The following CDC42EP1 variants were observed in gnomAD, a reference collection of about 807,000 sequenced individuals.
CDC42EP1 encodes 55 kDa bone marrow stromal/endothelial cell protein.
CDC42EP1 carries 6 observed loss-of-function variants against 7.4 expected under a neutral mutation model. That is an observed-to-expected ratio of 0.81 (90% CI 0.44 to 1.60). The LOEUF (loss-of-function observed/expected upper bound fraction) is 1.60, where lower values mean the gene tolerates loss of function less well. CDC42EP1 is among the 40% of genes most tolerant of loss of function. The pLI is 0.01. For synonymous variants in CDC42EP1, 238 were observed against 227.1 expected (o/e 1.05, Z -0.43); for missense variants, 567 against 539.0 (o/e 1.05, Z -0.51).
In CDC42EP1 at chr22:37,566,299, T is replaced by G; in HGVS notation, c.-51T>G. 4.9e-4 allele frequency: 116 copies of G among 235,718 alleles called. No homozygotes were observed. The highest frequency in any genetic ancestry group is 6.6e-4 in the Non-Finnish European group (87 of 130,940). The allele number at this position is 235,718 out of a possible 1,614,324, so 14.6% of individuals were successfully genotyped here. On this transcript the variant is annotated 5_prime_UTR_variant, in exon 2 of 3. Coordinates refer to ENST00000249014, the MANE Select transcript of CDC42EP1 (RefSeq NM_152243.3). The surrounding 1 kb of genome is among the most constrained non-coding windows in gnomAD (Gnocchi z 6.4). ...CCATCCCAAGCCCAGCCCACCTCCC[T>G]CCCCCGGCCCCTGGTAGGCATGGAC... is the stretch of plus-strand genomic sequence containing the variant.
chr22:37,568,384 CCACTACT>C lies in CDC42EP1; in HGVS notation c.741_747del (p.Thr248GlnfsTer41). 6.9e-7 allele frequency: 1 copy of C among 1,457,736 alleles called. No individual in the cohort carries two copies. 90.3% of individuals were successfully genotyped at this position (1,457,736 alleles called of 1,614,324 possible). ...ACGGGTCCTGCTGCAAACCCCCCAG[CCACTACT>C]GCAAACCCCCCAGCGCCTGCTGCAA... On this transcript the variant is annotated frameshift_variant, in exon 3 of 3. Transcript: ENST00000249014. LOFTEE classifies it low-confidence loss of function (END_TRUNC).
In CDC42EP1 at chr22:37,566,873, T is replaced by C; in HGVS notation, c.463+61T>C. 7.7e-7 allele frequency: 1 copy of C among 1,295,124 alleles called. No homozygotes were observed. The highest frequency in any genetic ancestry group is 1.1e-6 in the Non-Finnish European group (1 of 941,818). 80.2% of individuals were successfully genotyped at this position (1,295,124 alleles called of 1,614,324 possible). A position where few individuals can be genotyped will look rare whatever the true frequency, so the allele number is the denominator to read the frequency against. ...GGCTGAGGCTGAGGCCCAGAGGGGT[T>C]CAGTGGCTCCTCCAAGCTCCAAGTG... is the stretch of plus-strand genomic sequence containing the variant. On this transcript the variant is annotated intron_variant, in intron 2 of 2. Coordinates refer to ENST00000249014, the MANE Select transcript of CDC42EP1 (RefSeq NM_152243.3). This position sits in a 1 kb window ranked among gnomAD's most constrained non-coding sequence, Gnocchi z 6.4.
At chr22:37,561,004 G>A (rs1292509098) in intron 1 of CDC42EP1, among the ~76,000 whole-genome samples, 2 of 152,000 alleles carry the variant, frequency 1.3e-5, no homozygotes, top group African/African-American at 4.8e-5. Context: ...TGGGGGGTGG[G>A]GGGCCCGGGG....
rs750109725 is a variant in CDC42EP1, at chr22:37,566,377, G to A, written c.28G>A (p.Ala10Thr). 1.6e-4 allele frequency: 249 copies of A among 1,549,696 alleles called. No individual in the cohort carries two copies. Among genetic ancestry groups the A allele is most frequent in the Non-Finnish European group, 2.0e-4 (231 of 1,145,084 alleles). The change falls in exon 2 of 3, where the codon GCC (alanine) becomes ACC (threonine). Residue 10 changes from alanine (A) to threonine (T), a missense_variant. Ala to Thr is a moderately conservative substitution (Grantham distance 58). Coordinates refer to ENST00000249014, the MANE Select transcript of CDC42EP1 (RefSeq NM_152243.3). This position sits in a 1 kb window ranked among gnomAD's most constrained non-coding sequence, Gnocchi z 6.4. Reference protein sequence around the residue: MPGPQGGRGAATMSLGKLSP... With the variant: MPGPQGGRGTATMSLGKLSP... ...GCCCGGCCCCCAGGGGGGCAGAGGC[G>A]CCGCCACCATGAGCCTGGGCAAGCT...
intron 1 of CDC42EP1, chr22:37,564,606 G>C (rs1925158268): frequency 6.6e-6 from 1 of 152,442 alleles, no homozygotes; most frequent in Admixed American, 6.5e-5. Flanking sequence ...CACAGAGAAG[G>C]GAGGTGACTT....
intron 1 of CDC42EP1, among the ~76,000 whole-genome samples, chr22:37,564,818 G>A (rs2281096): frequency 0.57 from 85,940 of 152,082 alleles, 24,862 homozygotes; most frequent in Non-Finnish European, 0.63. Context: ...TCGCTCTGTC[G>A]CACAGGCTGG....
At position 37,568,516 on chromosome 22, in the gene CDC42EP1, C is replaced by T. The variant is rs747055634; in HGVS notation, c.872C>T (p.Thr291Ile). The change falls in exon 3 of 3, where the codon ACA (threonine) becomes ATA (isoleucine). Residue 291 changes from threonine to isoleucine, a missense_variant. Thr to Ile is a moderately conservative substitution (Grantham distance 89). Transcript: ENST00000249014. ...CATGGACACTGTCCCAATGGGGTAACAGCTGGGTTGGGCCCAGTGGCTGAG... is the reference window on the plus strand; with the variant it reads ...CATGGACACTGTCCCAATGGGGTAATAGCTGGGTTGGGCCCAGTGGCTGAG... ...TPHGHCPNGV[T>I]AGLGPVAEVK... 57 of 1,609,720 alleles carry T rather than the reference C, an allele frequency of 3.5e-5. No individual in the cohort carries two copies. The highest frequency in any genetic ancestry group is 4.8e-5 in the Non-Finnish European group (56 of 1,178,136).
Position 37,568,655 on chromosome 22 carries a change from G to A in CDC42EP1, c.1011G>A (p.Arg337=), listed in dbSNP as rs1248564452. The A allele has an allele frequency of 1.3e-6, 2 of 1,564,936 alleles. No homozygotes were observed. The highest frequency in any genetic ancestry group is 2.4e-5 in the South Asian group (2 of 83,934). ...GGHHYPEMDA[R]QERVEVLPQA... Reference sequence around the variant, plus strand: ...ACCACTACCCAGAGATGGATGCGCGGCAGGAGCGGGTGGAGGTGCTGCCCC... The same window carrying A: ...ACCACTACCCAGAGATGGATGCGCGACAGGAGCGGGTGGAGGTGCTGCCCC... Residue 337 remains arginine (R), a synonymous_variant, in exon 3 of 3, where the codon CGG becomes CGA. Coordinates refer to ENST00000249014, the MANE Select transcript of CDC42EP1 (RefSeq NM_152243.3).
chr22:37,565,185 C>CTTTTTTTTTTTTT (rs67228684), intron 1 of CDC42EP1, among the ~76,000 whole-genome samples: 1 of 90,910 alleles, frequency 1.1e-5, no homozygotes, highest in Admixed American at 1.4e-4. Flanking sequence ...TTTTTTTTTC[C>CTTTTTTTTTTTTT]TTTTTTTTTT....
At chr22:37,564,941 G>A (rs1925174062) in intron 1 of CDC42EP1, among the ~76,000 whole-genome samples, 1 of 152,142 alleles carries the variant, frequency 6.6e-6, no homozygotes, top group Non-Finnish European at 1.5e-5. Context: ...ACTACGCCCA[G>A]CTAATTTTTT....
In CDC42EP1 at chr22:37,568,121, G is replaced by A; in HGVS notation, c.477G>A (p.Gly159=). 6.2e-7 allele frequency: 1 copy of A among 1,612,988 alleles called. No individual in the cohort carries two copies. Among genetic ancestry groups the A allele is most frequent in the Non-Finnish European group, 8.5e-7 (1 of 1,179,426 alleles). Residue 159 remains glycine (G), a synonymous_variant, in exon 3 of 3, where the codon GGG becomes GGA. Transcript: ENST00000249014. The part of the protein sequence containing the change: ...DGHSSYGLDS[G]FCTISRLPRS... ...TTTCTCTTCTAGGCCTGGACTCTGG[G>A]TTCTGCACCATCTCCCGCCTGCCCC...
chr22:37,563,496 C>T (rs1349272800), intron 1 of CDC42EP1, among the ~76,000 whole-genome samples: 1 of 151,764 alleles, frequency 6.6e-6, no homozygotes, highest in East Asian at 1.9e-4. Context: ...TTCAGAAGTT[C>T]CCCCCCACGA....
chr22:37,566,638 C>T lies in CDC42EP1; in HGVS notation c.289C>T (p.Arg97Trp), dbSNP rs371962479. ...QLVRRVGAPPRRMASPPAPSP... is the reference protein window; with the variant it reads ...QLVRRVGAPPWRMASPPAPSP... Reference sequence around the variant, plus strand: ...GGTGCGGAGGGTGGGGGCGCCCCCCCGGAGGATGGCATCTCCCCCTGCACC... The same window carrying T: ...GGTGCGGAGGGTGGGGGCGCCCCCCTGGAGGATGGCATCTCCCCCTGCACC... Residue 97 changes from arginine to tryptophan, a missense_variant, in exon 2 of 3, where the codon CGG becomes TGG. Physicochemically the swap from Arg to Trp is moderately radical, Grantham distance 101. Coordinates refer to ENST00000249014, the MANE Select transcript of CDC42EP1 (RefSeq NM_152243.3). The surrounding 1 kb of genome is among the most constrained non-coding windows in gnomAD (Gnocchi z 6.4). 1.3e-5 allele frequency: 20 copies of T among 1,594,988 alleles called. No homozygotes were observed. The East Asian group carries it at 1.3e-4, about 11-fold the overall frequency.
intron 1 of CDC42EP1, 134 bp downstream of exon 1, chr22:37,560,722 C>T (rs1442507055): frequency 6.6e-6 from 1 of 151,720 alleles, no homozygotes; most frequent in Non-Finnish European, 1.5e-5. Context: ...GAGAGGCGCC[C>T]CCGGGTGCCC....
intron 1 of CDC42EP1, among the ~76,000 whole-genome samples, chr22:37,561,720 G>A (rs1241975750): frequency 1.3e-5 from 2 of 152,342 alleles, no homozygotes; most frequent in East Asian, 3.9e-4. Context: ...TCACCCAGCT[G>A]GATGCCCGCA....
At position 37,566,163 on chromosome 22, in the gene CDC42EP1, C is replaced by T; in HGVS notation, c.-187C>T. 4 of 453,192 alleles carry T rather than the reference C, an allele frequency of 8.8e-6. No individual in the cohort carries two copies. The highest frequency in any genetic ancestry group is 1.6e-5 in the Non-Finnish European group (4 of 257,796). 28.1% of individuals were successfully genotyped at this position (453,192 alleles called of 1,614,324 possible). ...ATAGCTGCTTCTGAGGGGCTGGGAG[C>T]CGGGCCCCTGGGAGAGACGAGCCAT... On this transcript the variant is annotated 5_prime_UTR_variant, in exon 2 of 3. Coordinates refer to ENST00000249014, the MANE Select transcript of CDC42EP1 (RefSeq NM_152243.3). This position sits in a 1 kb window ranked among gnomAD's most constrained non-coding sequence, Gnocchi z 6.4.
At chr22:37,564,285 C>T (rs1466786257) in intron 1 of CDC42EP1, 1 of 152,224 alleles carries the variant, frequency 6.6e-6, no homozygotes, top group East Asian at 1.9e-4. Context: ...AGGAGAGATG[C>T]ACAAGAAATA....
chr22:37,562,640 A>G (rs1601836020), intron 1 of CDC42EP1, among the ~76,000 whole-genome samples: 1 of 152,102 alleles, frequency 6.6e-6, no homozygotes, highest in African/African-American at 2.4e-5. Flanking sequence ...GAGTCTCTCG[A>G]CCGCAGTAGG....
rs770227871 is a variant in CDC42EP1, at chr22:37,566,461, A to G, written c.112A>G (p.Ile38Val). Residue 38 changes from isoleucine to valine, a missense_variant, in exon 2 of 3, where the codon ATC becomes GTC. Transcript: ENST00000249014. This position sits in a 1 kb window ranked among gnomAD's most constrained non-coding sequence, Gnocchi z 6.4. ...AAAGAGGCGGCTGACTGCAGACATG[A>G]TCAGCCACCCACTCGGGGACTTCCG... ...QGKRRLTADM[I>V]SHPLGDFRHT... 1.9e-6 allele frequency: 3 copies of G among 1,612,878 alleles called. No individual in the cohort carries two copies. Among genetic ancestry groups the G allele is most frequent in the South Asian group, 2.2e-5 (2 of 90,850 alleles).
Sources: allele counts gnomAD v4.1 joint callset (sites outside exome capture counted in the v4.1 genomes callset), GRCh38; gene constraint gnomAD v4.1.1; non-coding constraint Gnocchi (gnomAD v3.1); transcripts MANE v1.5; gene names NCBI Gene and HGNC (gene_info 2026-07-23, HGNC 2026-07-21).